Variants in PUM2 observed in about 807,000 individuals in gnomAD.
The protein encoded by PUM2 is pumilio RNA binding family member 2.
Under a neutral mutation model 124.5 loss-of-function variants are expected in PUM2, and 57 were observed. That is an observed-to-expected ratio of 0.46 (90% CI 0.37 to 0.57). The LOEUF (loss-of-function observed/expected upper bound fraction) is 0.57, where lower values mean the gene tolerates loss of function less well. PUM2 is among the 20% of genes least tolerant of loss of function. The probability of loss-of-function intolerance (pLI) is 0.00; values close to 1 mark genes in which losing one functional copy is unlikely to be tolerated. For missense variants in PUM2, 1,065 were observed against 1,290.6 expected, an observed-to-expected ratio of 0.83 and a Z score of 2.68; for synonymous variants, 460 against 446.1, an observed-to-expected ratio of 1.03 and a Z score of -0.39.
chr2:20,271,197 G>A (rs1160017658), intron 13 of PUM2, among the ~76,000 whole-genome samples: 1 of 151,958 alleles, frequency 6.6e-6, no homozygotes, highest in East Asian at 1.9e-4. Context: ...TTCTAAAAAG[G>A]AGTCTAATAA....
chr2:20,339,375 A>G (rs1469139816), intron 1 of PUM2, among the ~76,000 whole-genome samples: 1 of 152,086 alleles, frequency 6.6e-6, no homozygotes, highest in African/African-American at 2.4e-5. Flanking sequence ...TAAAACATCT[A>G]AACGAAGCAT....
At chr2:20,338,966 A>C (rs1686673601) in intron 1 of PUM2, among the ~76,000 whole-genome samples, 1 of 152,172 alleles carries the variant, frequency 6.6e-6, no homozygotes, top group South Asian at 2.1e-4. Flanking sequence ...GAAATATTTA[A>C]AATATATACA....
At chr2:20,312,546 A>G in intron 3 of PUM2, 123 bp from the exon 4 acceptor site, 6 of 890,072 alleles carry the variant, frequency 6.7e-6, no homozygotes, top group Non-Finnish European at 1.0e-5. Flanking sequence ...TATTACTATA[A>G]TCTTTATATA....
chr2:20,326,379 T>C, intron 2 of PUM2: 1 of 1,304,286 alleles, frequency 7.7e-7, no homozygotes, highest in South Asian at 1.2e-5. Context: ...TGGACTCTTT[T>C]CTGCATCTGA....
At chr2:20,340,047 A>C (rs1423531895) in intron 1 of PUM2, among the ~76,000 whole-genome samples, 1 of 151,794 alleles carries the variant, frequency 6.6e-6, no homozygotes, top group Non-Finnish European at 1.5e-5. Flanking sequence ...TATATTTGAC[A>C]GTATGCTGTG....
At chr2:20,323,760 TG>T (rs1210551594) in intron 2 of PUM2, among the ~76,000 whole-genome samples, 1 of 151,974 alleles carries the variant, frequency 6.6e-6, no homozygotes, top group Non-Finnish European at 1.5e-5. Flanking sequence ...AGCTGGTAAA[TG>T]TTAACAAGGG....
Position 20,274,484 on chromosome 2 carries a change from C to T in PUM2, c.1957+4099G>A, listed in dbSNP as rs551464944. Among the ~76,000 whole-genome samples the T allele has an allele frequency of 4.6e-5, 7 of 152,144 alleles. No individual in the cohort carries two copies. The East Asian group carries it at 1.4e-3, about 29-fold the overall frequency. On this transcript the variant is annotated intron_variant, in intron 13 of 20. Transcript: ENST00000361078. ...GAATGATTCTAAAAATTTATAATAT[C>T]TTGCCTATTATTAAAATTTTCTGTA...
In PUM2 at chr2:20,278,633, G is replaced by A. The variant is rs777657932; in HGVS notation, c.1907C>T (p.Thr636Met). 6 of 1,613,380 alleles carry A rather than the reference G, an allele frequency of 3.7e-6. No individual in the cohort carries two copies. Among genetic ancestry groups the A allele is most frequent in the Admixed American group, 1.7e-5 (1 of 59,928 alleles). Residue 636 changes from threonine (T) to methionine (M), a missense_variant, in exon 13 of 21, where the codon ACG (threonine) becomes ATG (methionine). Around this residue, in one of 3 missense-constraint regions of PUM2, gnomAD observed 968 missense variants for 1,159.8 expected, o/e 0.83. Transcript: ENST00000361078. ...LPSQTPGHSL[T>M]PPPSLSSHGS... ...ATGTGATGAAAGTGATGGCGGTGGC[G>A]TAAGTGAATGTCCTGGAGTTTGGCT... is the stretch of plus-strand genomic sequence containing the variant.
intron 10 of PUM2, among the ~76,000 whole-genome samples, chr2:20,289,667 A>G (rs1267641222): frequency 6.6e-6 from 1 of 152,264 alleles, no homozygotes; most frequent in Non-Finnish European, 1.5e-5. Flanking sequence ...TTAAAATTCC[A>G]GAGAGAAAGA....
chr2:20,280,315 T>C (rs1288874423), intron 12 of PUM2, among the ~76,000 whole-genome samples: 2 of 152,140 alleles, frequency 1.3e-5, no homozygotes, highest in African/African-American at 2.4e-5. Flanking sequence ...TAAGATATCA[T>C]AGTAAGAAAA....
chr2:20,346,761 C>T (rs1688323510), intron 1 of PUM2, among the ~76,000 whole-genome samples: 2 of 152,190 alleles, frequency 1.3e-5, no homozygotes, highest in Non-Finnish European at 2.9e-5. Context: ...TGTGTGTTGG[C>T]AGCCAGCTAC....
Position 20,321,813 on chromosome 2 carries a change from T to C in PUM2, c.52-3168A>G, listed in dbSNP as rs567550895. 1.6e-4 allele frequency among the ~76,000 whole-genome samples: 24 copies of C among 152,288 alleles called. No homozygotes were observed. In the South Asian group the frequency reaches 4.6e-3, roughly 29 times the overall value. ...CCAATACCACTTCATATTAGTTCCC[T>C]ACTTCACAAACTCTAAAAGAAGGTC... On this transcript the variant is annotated intron_variant, in intron 2 of 20. Coordinates refer to ENST00000361078, the MANE Select transcript of PUM2 (RefSeq NM_015317.5).
chr2:20,331,348 A>T (rs1684868418), intron 1 of PUM2, among the ~76,000 whole-genome samples: 1 of 152,222 alleles, frequency 6.6e-6, no homozygotes, highest in Non-Finnish European at 1.5e-5. Context: ...AAGAAAATGC[A>T]AACTAATTTT....
intron 1 of PUM2, among the ~76,000 whole-genome samples, chr2:20,337,780 T>C (rs879274085): frequency 8.5e-5 from 13 of 152,322 alleles, no homozygotes; most frequent in Admixed American, 8.5e-4. Context: ...TCCCAAAAAC[T>C]GATTTCCAAA....
Position 20,290,738 on chromosome 2 carries a change from T to C in PUM2, c.1205A>G (p.Gln402Arg). ...QRPLTPNQGQ[Q>R]GQQAESLAAA... ...CGCAAGTGATTCTGCTTGCTGCCCT[T>C]GCTGACCCTGATTGGGAGTAAGAGG... is the stretch of plus-strand genomic sequence containing the variant. Residue 402 changes from glutamine (Q) to arginine (R), a missense_variant, in exon 10 of 21, where the codon CAA (glutamine) becomes CGA (arginine). Physicochemically the swap from Gln to Arg is conservative, Grantham distance 43. Coordinates refer to ENST00000361078, the MANE Select transcript of PUM2 (RefSeq NM_015317.5). The C allele has an allele frequency of 6.2e-7, 1 of 1,613,374 alleles. No homozygotes were observed. The highest frequency in any genetic ancestry group is 1.3e-5 in the African/African-American group (1 of 75,030).
chr2:20,287,281 A>G lies in PUM2; in HGVS notation c.1291+3371T>C, dbSNP rs556209586. On this transcript the variant is annotated intron_variant, in intron 10 of 20. Transcript: ENST00000361078. ...TAGCTAAATGAAATGCAAGGCACAC[A>G]GAAGTACTAAAAGAAGATGCAAGTA... is the stretch of plus-strand genomic sequence containing the variant. Among the ~76,000 whole-genome samples the G allele has an allele frequency of 1.3e-3, 198 of 152,352 alleles. 1 individual carries two copies. The highest frequency in any genetic ancestry group is 2.2e-3 in the Non-Finnish European group (148 of 68,026).
At chr2:20,296,473 C>T (rs1244330707) in intron 8 of PUM2, among the ~76,000 whole-genome samples, 5 of 148,042 alleles carry the variant, frequency 3.4e-5, no homozygotes, top group East Asian at 4.0e-4. Flanking sequence ...CCAGCCTGGG[C>T]AACAGAGCGA....
intron 2 of PUM2, among the ~76,000 whole-genome samples, chr2:20,319,389 A>T (rs1349318976): frequency 6.6e-6 from 1 of 152,240 alleles, no homozygotes; most frequent in East Asian, 1.9e-4. Context: ...TGGTTTTCTG[A>T]GAAGTGAACT....
intron 10 of PUM2, among the ~76,000 whole-genome samples, chr2:20,288,965 G>A (rs1673362364): frequency 1.3e-5 from 2 of 152,196 alleles, no homozygotes; most frequent in East Asian, 3.9e-4. Context: ...AGGCTAAAAA[G>A]TTGTGGCTCA....
Sources: allele counts gnomAD v4.1 joint callset (sites outside exome capture counted in the v4.1 genomes callset), GRCh38; gene constraint gnomAD v4.1.1; regional missense constraint gnomAD v4.1.1; transcripts MANE v1.5; gene names NCBI Gene and HGNC (gene_info 2026-07-23, HGNC 2026-07-21).